NCKAP5: variants seen among roughly 807,000 people sequenced by gnomAD.
The protein encoded by NCKAP5 is NCK associated protein 5, also known as nck-associated protein 5.
NCKAP5 carries 92 observed loss-of-function variants against 167.0 expected under a neutral mutation model. The ratio of observed to expected loss-of-function variants is 0.55; its 90% CI spans 0.47 to 0.66. The LOEUF is 0.66. Ranked by LOEUF, NCKAP5 falls within the 30% of genes least tolerant of loss-of-function variation. The probability of loss-of-function intolerance (pLI) is 0.00; values close to 1 mark genes in which losing one functional copy is unlikely to be tolerated. For synonymous variants in NCKAP5, 891 were observed against 877.4 expected, an observed-to-expected ratio of 1.02 and a Z score of -0.27; for missense variants, 2,378 against 2,315.0, an observed-to-expected ratio of 1.03 and a Z score of -0.56.
At chr2:133,543,613 T>C (rs1254160311) in intron 2 of NCKAP5, among the ~76,000 whole-genome samples, 1 of 152,238 alleles carries the variant, frequency 6.6e-6, no homozygotes, top group Admixed American at 6.5e-5. Flanking sequence ...GTCTATTGAC[T>C]AGCATTGTGG....
intron 11 of NCKAP5, among the ~76,000 whole-genome samples, chr2:132,803,754 CGCTTTAT>C (rs1558800424): frequency 1.3e-5 from 2 of 152,188 alleles, no homozygotes; most frequent in African/African-American, 2.4e-5. Context: ...CACTGATTTA[CGCTTTAT>C]GCTTTATGAA....
intron 5 of NCKAP5, among the ~76,000 whole-genome samples, chr2:133,212,523 A>C (rs750607362): frequency 1.3e-5 from 2 of 152,096 alleles, no homozygotes; most frequent in Non-Finnish European, 2.9e-5. Flanking sequence ...GCCCACCACC[A>C]CGCCCAGCTA....
intron 3 of NCKAP5, among the ~76,000 whole-genome samples, chr2:133,323,143 T>C (rs1194541421): frequency 6.6e-6 from 1 of 152,208 alleles, no homozygotes; most frequent in Non-Finnish European, 1.5e-5. Flanking sequence ...TAGTTCCAAG[T>C]TTGCCTAAAA....
Position 132,880,639 on chromosome 2 carries a change from G to A in NCKAP5, c.580-1723C>T, listed in dbSNP as rs1691672778. On this transcript the variant is annotated intron_variant, in intron 8 of 19. Transcript: ENST00000409261. The stretch of plus-strand genomic sequence containing the variant: ...TGAGACTCCATCTCAGAAAAAAAAA[G>A]AGAAAAAAGAAATGATAAATACTCA... 2.0e-5 allele frequency among the ~76,000 whole-genome samples: 3 copies of A among 151,744 alleles called. 1 individual carries two copies. The highest frequency in any genetic ancestry group is 4.2e-4 in the South Asian group (2 of 4,808).
intron 3 of NCKAP5, among the ~76,000 whole-genome samples, chr2:133,429,293 C>CT (rs11368799): frequency 0.37 from 55,508 of 151,068 alleles, 11,441 homozygotes; most frequent in African/African-American, 0.58. Flanking sequence ...TTTGGAGCTA[C>CT]TTTTTTTTAA....
At chr2:133,629,395 A>T in the NCKAP5 span, among the ~76,000 whole-genome samples, 1 of 152,226 alleles carries the variant, frequency 6.6e-6, no homozygotes, top group Non-Finnish European at 1.5e-5. Context: ...AGTATCATGG[A>T]TCATTAGAGA....
At chr2:133,154,386 C>T (rs772378941) in intron 5 of NCKAP5, among the ~76,000 whole-genome samples, 7 of 152,068 alleles carry the variant, frequency 4.6e-5, no homozygotes, top group African/African-American at 7.2e-5. Context: ...ACACTGGTGC[C>T]GAGTGCATAA....
chr2:133,182,690 T>A (rs574372215), intron 5 of NCKAP5, among the ~76,000 whole-genome samples: 1 of 152,276 alleles, frequency 6.6e-6, no homozygotes, highest in East Asian at 1.9e-4. Flanking sequence ...ATCAGTAATG[T>A]AAGTTCCCAA....
chr2:133,143,261 G>A (rs2083066600), intron 5 of NCKAP5, among the ~76,000 whole-genome samples: 1 of 152,090 alleles, frequency 6.6e-6, no homozygotes, highest in Admixed American at 6.6e-5. Context: ...CTGTCAATCA[G>A]AACAGGTGTG....
At chr2:133,272,534 G>A (rs1254174360) in intron 4 of NCKAP5, among the ~76,000 whole-genome samples, 1 of 152,096 alleles carries the variant, frequency 6.6e-6, no homozygotes, top group East Asian at 1.9e-4. Flanking sequence ...CAAATAGATT[G>A]AATCAGTAGT....
At chr2:132,851,647 T>C (rs1188010164) in intron 11 of NCKAP5, among the ~76,000 whole-genome samples, 2 of 152,188 alleles carry the variant, frequency 1.3e-5, no homozygotes, top group African/African-American at 2.4e-5. Context: ...ATTTGCCTCG[T>C]TGGTATCTAC....
chr2:133,090,402 C>T (rs1009828374), intron 6 of NCKAP5, among the ~76,000 whole-genome samples: 9 of 151,810 alleles, frequency 5.9e-5, no homozygotes, highest in Non-Finnish European at 1.0e-4. Flanking sequence ...TTTCTGCCTC[C>T]GTGGTCACAC....
chr2:133,375,827 C>T (rs1686106109), intron 3 of NCKAP5, among the ~76,000 whole-genome samples: 2 of 152,204 alleles, frequency 1.3e-5, no homozygotes, highest in Non-Finnish European at 2.9e-5. Flanking sequence ...ACCACATTTT[C>T]TTTATCCAGT....
intron 19 of NCKAP5, among the ~76,000 whole-genome samples, chr2:132,713,758 A>G (rs1216797746): frequency 6.8e-6 from 1 of 147,866 alleles, no homozygotes; most frequent in Non-Finnish European, 1.5e-5. Flanking sequence ...AGTTGAGAGT[A>G]GAAGAAGAAA....
chr2:132,855,323 T>A (rs1034787949), intron 11 of NCKAP5, among the ~76,000 whole-genome samples: 1 of 152,310 alleles, frequency 6.6e-6, no homozygotes, highest in East Asian at 1.9e-4. Context: ...CCTGTAACCA[T>A]GCAGGATGAC....
chr2:133,351,467 T>TA lies in NCKAP5; in HGVS notation c.70-48358dup, dbSNP rs11401627. On this transcript the variant is annotated intron_variant, in intron 3 of 19. Coordinates refer to ENST00000409261, the MANE Select transcript of NCKAP5 (RefSeq NM_207363.3). ...GTTAATAATAAAGTCATCTACTCTA[T>TA]AAAAGTCTTATGAGGGTTGAATGAG... Among the ~76,000 whole-genome samples the TA allele has an allele frequency of 8.7e-3, 1,327 of 152,280 alleles. 16 individuals carry two copies. Among genetic ancestry groups the TA allele is most frequent in the African/African-American group, 0.031 (1,269 of 41,554 alleles).
chr2:133,289,727 A>C (rs201872248), intron 4 of NCKAP5, among the ~76,000 whole-genome samples: 1 of 150,784 alleles, frequency 6.6e-6, no homozygotes, highest in African/African-American at 2.4e-5. Flanking sequence ...ACAAACAAAC[A>C]AAAAAAAACA....
At chr2:132,721,256 T>C (rs1689895650) in intron 19 of NCKAP5, among the ~76,000 whole-genome samples, 1 of 151,848 alleles carries the variant, frequency 6.6e-6, no homozygotes, top group Admixed American at 6.6e-5. Flanking sequence ...TGCAATGAGC[T>C]GAGATCATGC....
At chr2:133,094,821 C>T (rs959629655) in intron 6 of NCKAP5, among the ~76,000 whole-genome samples, 1 of 152,092 alleles carries the variant, frequency 6.6e-6, no homozygotes, top group Non-Finnish European at 1.5e-5. Flanking sequence ...CAGAGAGATT[C>T]AAAGCATAAG....
Sources: allele counts gnomAD v4.1 joint callset (sites outside exome capture counted in the v4.1 genomes callset), GRCh38; gene constraint gnomAD v4.1.1; transcripts MANE v1.5; gene names NCBI Gene and HGNC (gene_info 2026-07-23, HGNC 2026-07-21).